Variants in NXPH1 observed in about 807,000 individuals in gnomAD.
The protein encoded by NXPH1 is neurexophilin-1.
NXPH1 carries 5 observed loss-of-function variants against 23.7 expected under a neutral mutation model. That is an observed-to-expected ratio of 0.21 (90% CI 0.11 to 0.44). The LOEUF (loss-of-function observed/expected upper bound fraction) is 0.44. NXPH1 is among the 20% of genes least tolerant of loss of function. The pLI is 0.99. For missense variants in NXPH1, 324 were observed against 321.6 expected, an observed-to-expected ratio of 1.01 and a Z score of -0.06; for synonymous variants, 144 against 122.2, an observed-to-expected ratio of 1.18 and a Z score of -1.18.
At chr7:8,641,423 G>A (rs1820309372) in intron 2 of NXPH1, among the ~76,000 whole-genome samples, 1 of 152,048 alleles carries the variant, frequency 6.6e-6, no homozygotes, top group Non-Finnish European at 1.5e-5. Context: ...TTCTACTACA[G>A]AAATTGGCAT....
chr7:8,520,236 C>A (rs1267722491), intron 2 of NXPH1, among the ~76,000 whole-genome samples: 1 of 152,162 alleles, frequency 6.6e-6, no homozygotes, highest in African/African-American at 2.4e-5. Flanking sequence ...CCAGTAGTAG[C>A]TAGACAACCC....
At chr7:8,524,992 T>G (rs781541294) in intron 2 of NXPH1, among the ~76,000 whole-genome samples, 2 of 152,186 alleles carry the variant, frequency 1.3e-5, no homozygotes, top group African/African-American at 4.8e-5. Flanking sequence ...GGAAGTGACT[T>G]TGGAACTCGT....
At chr7:8,492,739 AGTGG>A (rs1304581127) in intron 2 of NXPH1, among the ~76,000 whole-genome samples, 2 of 152,014 alleles carry the variant, frequency 1.3e-5, no homozygotes, top group Non-Finnish European at 2.9e-5. Context: ...TGTTTCTGAC[AGTGG>A]GTCCCATTGG....
In NXPH1 at chr7:8,729,550, C is replaced by T. The variant is rs1022734297; in HGVS notation, c.55-21458C>T. On this transcript the variant is annotated intron_variant, in intron 2 of 2. Transcript: ENST00000405863. Reference sequence around the variant, plus strand: ...TTCTGGTATGTTGTGTCTTTGTTCTCCTTGGTTTCAAAGAACATCTTTATT... The same window carrying T: ...TTCTGGTATGTTGTGTCTTTGTTCTTCTTGGTTTCAAAGAACATCTTTATT... Among the ~76,000 whole-genome samples, 5 of 124,596 alleles carry T rather than the reference C, an allele frequency of 4.0e-5. 1 individual carries two copies. Among genetic ancestry groups the T allele is most frequent in the South Asian group, 2.7e-4 (1 of 3,696 alleles). 81.7% of individuals were successfully genotyped at this position (124,596 alleles called of 152,430 possible).
chr7:8,632,742 G>A (rs1444289163), intron 2 of NXPH1, among the ~76,000 whole-genome samples: 2 of 152,166 alleles, frequency 1.3e-5, no homozygotes, highest in African/African-American at 4.8e-5. Context: ...GAATTTCCGT[G>A]GTGTAGAGCT....
intron 2 of NXPH1, among the ~76,000 whole-genome samples, chr7:8,601,340 G>A (rs1268127878): frequency 1.3e-5 from 2 of 152,008 alleles, no homozygotes; most frequent in Non-Finnish European, 2.9e-5. Context: ...CAGACTAAGA[G>A]GAAGTGAAAG....
At position 8,461,030 on chromosome 7, in the gene NXPH1, A is replaced by T. The variant is rs774690528; in HGVS notation, c.54+25263A>T. 1.3e-3 allele frequency among the ~76,000 whole-genome samples: 197 copies of T among 152,170 alleles called. 4 individuals are homozygous for T. The highest frequency in any genetic ancestry group is 4.1e-4 in the Non-Finnish European group (28 of 68,028). ...GGTATTAAAAAACTGCCTTACACTG[A>T]TGGATAAGTATTGGATGGACTAGAA... On this transcript the variant is annotated intron_variant, in intron 2 of 2. Coordinates refer to ENST00000405863, the MANE Select transcript of NXPH1 (RefSeq NM_152745.3).
chr7:8,706,236 C>T (rs947199330), intron 2 of NXPH1, among the ~76,000 whole-genome samples: 11 of 152,142 alleles, frequency 7.2e-5, no homozygotes, highest in East Asian at 1.9e-4. Flanking sequence ...ATCAAGTAAC[C>T]GTGCAATTTT....
At chr7:8,710,640 GTT>G (rs1368543367) in intron 2 of NXPH1, among the ~76,000 whole-genome samples, 1 of 27,680 alleles carries the variant, frequency 3.6e-5, no homozygotes, top group African/African-American at 1.6e-4. Flanking sequence ...CAACTGTTAC[GTT>G]TTTTGTTTTT....
At chr7:8,493,202 A>G (rs1226060287) in intron 2 of NXPH1, among the ~76,000 whole-genome samples, 7 of 151,974 alleles carry the variant, frequency 4.6e-5, no homozygotes, top group Non-Finnish European at 1.0e-4. Context: ...TGCCCCCCAA[A>G]TAATGTGAGG....
intron 2 of NXPH1, among the ~76,000 whole-genome samples, chr7:8,629,145 C>T (rs1283002319): frequency 6.6e-6 from 1 of 151,722 alleles, no homozygotes; most frequent in Non-Finnish European, 1.5e-5. Context: ...GATTATTTAC[C>T]CCCATTGTTA....
At chr7:8,727,438 C>A (rs1780075755) in intron 2 of NXPH1, among the ~76,000 whole-genome samples, 1 of 141,514 alleles carries the variant, frequency 7.1e-6, no homozygotes, top group African/African-American at 2.8e-5. Context: ...ATGGTAATGC[C>A]TAGGTTTTCT....
intron 2 of NXPH1, among the ~76,000 whole-genome samples, chr7:8,662,395 C>T (rs1259780264): frequency 1.1e-5 from 1 of 95,012 alleles, no homozygotes; most frequent in Non-Finnish European, 2.6e-5. Flanking sequence ...AGAACAGGTA[C>T]CCTTAAACTA....
At chr7:8,745,307 A>G (rs995832825) in intron 2 of NXPH1, among the ~76,000 whole-genome samples, 2 of 152,284 alleles carry the variant, frequency 1.3e-5, no homozygotes, top group African/African-American at 4.8e-5. Context: ...TACCATATGC[A>G]TTATCTCACA....
intron 2 of NXPH1, among the ~76,000 whole-genome samples, chr7:8,744,401 G>GT (rs762865187): frequency 1.3e-5 from 2 of 152,140 alleles, no homozygotes; most frequent in East Asian, 3.9e-4. Context: ...ATATGCTTTG[G>GT]TTTTTTGTTT....
At chr7:8,498,892 G>A (rs1310629682) in intron 2 of NXPH1, among the ~76,000 whole-genome samples, 1 of 152,054 alleles carries the variant, frequency 6.6e-6, no homozygotes, top group Non-Finnish European at 1.5e-5. Flanking sequence ...ATGCATGAGT[G>A]TGGGTGGCTT....
intron 2 of NXPH1, among the ~76,000 whole-genome samples, chr7:8,659,850 G>A (rs1428935607): frequency 6.6e-6 from 1 of 152,080 alleles, no homozygotes; most frequent in Non-Finnish European, 1.5e-5. Flanking sequence ...AGTCACCTGA[G>A]GGTGCACAGC....
At chr7:8,717,960 G>A (rs954947901) in intron 2 of NXPH1, among the ~76,000 whole-genome samples, 2 of 151,032 alleles carry the variant, frequency 1.3e-5, no homozygotes, top group African/African-American at 4.9e-5. Context: ...TAGACACAGA[G>A]CCCCTATATA....
chr7:8,685,438 A>ATT lies in NXPH1; in HGVS notation c.55-65560_55-65559dup, dbSNP rs58840445. ...ATGTTGTTGCAAATAACTGGATCTC[A>ATT]TTTTTTTTTTTATGGCTGAATAGTA... On this transcript the variant is annotated intron_variant, in intron 2 of 2. Coordinates refer to ENST00000405863, the MANE Select transcript of NXPH1 (RefSeq NM_152745.3). 5.9e-4 allele frequency among the ~76,000 whole-genome samples: 87 copies of ATT among 148,024 alleles called. 1 individual carries two copies. The highest frequency in any genetic ancestry group is 2.2e-3 in the East Asian group (11 of 5,014).
Sources: allele counts gnomAD v4.1 joint callset (sites outside exome capture counted in the v4.1 genomes callset), GRCh38; gene constraint gnomAD v4.1.1; transcripts MANE v1.5; gene names NCBI Gene and HGNC (gene_info 2026-07-23, HGNC 2026-07-21).